The following SIK3 variants were observed in gnomAD, a reference collection of about 807,000 sequenced individuals.
SIK3 encodes the protein SIK family kinase 3.
In SIK3, 28 loss-of-function variants were observed where a neutral mutation model predicts 144.2. The observed-to-expected ratio is 0.19, with a 90% CI of 0.14 to 0.27. The LOEUF is 0.27. SIK3 is among the 10% of genes least tolerant of loss of function. SIK3 has a pLI of 1.00. For missense variants in SIK3, 1,319 were observed against 1,776.0 expected (o/e 0.74, Z 4.62); for synonymous variants, 686 against 676.3 (o/e 1.01, Z -0.22).
chr11:116,858,765 C>T lies in SIK3; in HGVS notation c.2766-66G>A. The stretch of plus-strand genomic sequence containing the variant: ...GTACTAGACTTCCTGGGAACAGCTC[C>T]TCCTCCTCAGTAGGGAGAACCCACT... On this transcript the variant is annotated intron_variant, in intron 20 of 24. Transcript: ENST00000445177. The surrounding 1 kb of genome is among the most constrained non-coding windows in gnomAD (Gnocchi z 5.4). 1 of 1,509,420 alleles carries T rather than the reference C, an allele frequency of 6.6e-7. No homozygotes were observed. The allele number at this position is 1,509,420 out of a possible 1,614,324, so 93.5% of individuals were successfully genotyped here. A position where few individuals can be genotyped will look rare whatever the true frequency, so the allele number is the denominator to read the frequency against.
chr11:116,986,829 T>C (rs182235779), intron 1 of SIK3, among the ~76,000 whole-genome samples: 1 of 152,162 alleles, frequency 6.6e-6, no homozygotes, highest in Non-Finnish European at 1.5e-5. Context: ...TGGATTACTC[T>C]CCTCTTCATG....
rs1942252749 is a variant in SIK3 at position 116,849,388 on chromosome 11, A to G, written c.3656-105T>C. On this transcript the variant is annotated intron_variant, in intron 21 of 24. Transcript: ENST00000445177. The surrounding 1 kb of genome is among the most constrained non-coding windows in gnomAD (Gnocchi z 4.2). ...CAAGGGACAATGGGCAAGGCTGAGG[A>G]GATCATGTACACCAACCGCTGATCC... is the stretch of plus-strand genomic sequence containing the variant. 7.3e-7 allele frequency: 1 copy of G among 1,364,924 alleles called. No individual in the cohort carries two copies. Among genetic ancestry groups the G allele is most frequent in the Admixed American group, 1.9e-5 (1 of 52,488 alleles). The allele number at this position is 1,364,924 out of a possible 1,614,324, so 84.6% of individuals were successfully genotyped here. A position where few individuals can be genotyped will look rare whatever the true frequency, so the allele number is the denominator to read the frequency against.
intron 3 of SIK3, among the ~76,000 whole-genome samples, chr11:116,940,925 T>C (rs193178261): frequency 6.6e-6 from 1 of 152,244 alleles, no homozygotes; most frequent in Admixed American, 6.5e-5. Flanking sequence ...TGATTCAGAG[T>C]GACTAAAGTT....
intron 2 of SIK3, among the ~76,000 whole-genome samples, chr11:116,955,053 A>G (rs1327836299): frequency 1.3e-5 from 2 of 152,178 alleles, no homozygotes; most frequent in African/African-American, 4.8e-5. Context: ...AATTCTTTTT[A>G]AAATTATTTT....
In SIK3 at chr11:116,867,720, G is replaced by A. The variant is rs1943722115; in HGVS notation, c.1952+226C>T. 7.4e-6 allele frequency: 3 copies of A among 406,878 alleles called. No individual in the cohort carries two copies. Among genetic ancestry groups the A allele is most frequent in the Non-Finnish European group, 8.7e-6 (2 of 229,886 alleles). 25.2% of individuals were successfully genotyped at this position (406,878 alleles called of 1,614,324 possible). Reference sequence around the variant, plus strand: ...GGAATCAAATGCAGACAATAAACAGGTCTGCAAGGTAATGGGAGAGAGGAA... The same window carrying A: ...GGAATCAAATGCAGACAATAAACAGATCTGCAAGGTAATGGGAGAGAGGAA... On this transcript the variant is annotated intron_variant, in intron 15 of 24. Transcript: ENST00000445177. The surrounding 1 kb of genome is among the most constrained non-coding windows in gnomAD (Gnocchi z 4.1).
Position 116,867,682 on chromosome 11 carries a change from A to G in SIK3, c.1952+264T>C. 1 of 340,782 alleles carries G rather than the reference A, an allele frequency of 2.9e-6. No homozygotes were observed. Among genetic ancestry groups the G allele is most frequent in the African/African-American group, 2.1e-5 (1 of 47,414 alleles). The allele number at this position is 340,782 out of a possible 1,614,324, so 21.1% of individuals were successfully genotyped here. A position where few individuals can be genotyped will look rare whatever the true frequency, so the allele number is the denominator to read the frequency against. ...AGTTCAATTTTATCTATGAATCAAC[A>G]TCTAGAATCATGGGAATCAAATGCA... On this transcript the variant is annotated intron_variant, in intron 15 of 24. Coordinates refer to ENST00000445177, the MANE Select transcript of SIK3 (RefSeq NM_001366686.3). This position sits in a 1 kb window ranked among gnomAD's most constrained non-coding sequence, Gnocchi z 4.1.
intron 1 of SIK3, among the ~76,000 whole-genome samples, chr11:117,053,663 C>G (rs1280625283): frequency 2.0e-5 from 3 of 151,148 alleles, no homozygotes; most frequent in Non-Finnish European, 4.4e-5. Context: ...CCCACCCTAC[C>G]CCCTCCACTG....
intron 1 of SIK3, among the ~76,000 whole-genome samples, chr11:116,965,757 A>ATG (rs1158120855): frequency 6.5e-5 from 1 of 15,274 alleles, no homozygotes; most frequent in African/African-American, 1.5e-4. Flanking sequence ...ATATATATAT[A>ATG]TATATATATA....
intron 21 of SIK3, among the ~76,000 whole-genome samples, chr11:116,855,109 A>AAAAAAAAC: frequency 1.5e-5 from 2 of 135,726 alleles, no homozygotes; most frequent in African/African-American, 5.1e-5. Context: ...AAAAAAAAAA[A>AAAAAAAAC]CTTGAGTTTT....
At chr11:116,916,432 C>T (rs11216187) in intron 4 of SIK3, among the ~76,000 whole-genome samples, 19,359 of 152,068 alleles carry the variant, frequency 0.13, 1,337 homozygotes, top group African/African-American at 0.16. Context: ...ATTCTGCCAC[C>T]TTGCAAAGGC....
intron 6 of SIK3, among the ~76,000 whole-genome samples, chr11:116,879,246 T>C (rs1165228289): frequency 1.3e-5 from 2 of 152,220 alleles, no homozygotes; most frequent in Non-Finnish European, 2.9e-5. Context: ...ACAACCGTCC[T>C]GAAAACAAAA....
At position 116,872,618 on chromosome 11, in the gene SIK3, AAAAT is replaced by A. The variant is rs1049897626; in HGVS notation, c.1737+859_1737+862del. On this transcript the variant is annotated intron_variant, in intron 13 of 24. Coordinates refer to ENST00000445177, the MANE Select transcript of SIK3 (RefSeq NM_001366686.3). ...TTTCAGAAACTTTTAGCAATTTAAA[AAAAT>A]AAATAAAGAGACACTTTTAGCAATT... 3.3e-5 allele frequency among the ~76,000 whole-genome samples: 5 copies of A among 152,384 alleles called. No individual in the cohort carries two copies. In the South Asian group the frequency reaches 6.2e-4, roughly 19 times the overall value.
At chr11:116,976,733 T>A (rs556369517) in intron 1 of SIK3, among the ~76,000 whole-genome samples, 1 of 152,370 alleles carries the variant, frequency 6.6e-6, no homozygotes, top group South Asian at 2.1e-4. Flanking sequence ...GGTGTTTTAG[T>A]AACTGTTAAT....
intron 1 of SIK3, among the ~76,000 whole-genome samples, chr11:116,985,531 T>C (rs948554844): frequency 2.0e-5 from 3 of 152,228 alleles, no homozygotes; most frequent in Admixed American, 2.0e-4. Context: ...CTAGTCAGTG[T>C]AGAGGTACAG....
chr11:116,931,553 C>G (rs183812880), intron 3 of SIK3, among the ~76,000 whole-genome samples: 2 of 152,176 alleles, frequency 1.3e-5, no homozygotes, highest in East Asian at 1.9e-4. Context: ...CATACCCTGA[C>G]AGCAGGACAA....
chr11:116,935,374 CT>C lies in SIK3; in HGVS notation c.455-7995del, dbSNP rs954264493. ...GAGACTATAAGCTTTTACAAAAACACTTTTTTTACTCTTCATTTTGCTATTA... is the reference window on the plus strand; with the variant it reads ...GAGACTATAAGCTTTTACAAAAACACTTTTTTACTCTTCATTTTGCTATTA... On this transcript the variant is annotated intron_variant, in intron 3 of 24. Coordinates refer to ENST00000445177, the MANE Select transcript of SIK3 (RefSeq NM_001366686.3). 2.8e-4 allele frequency among the ~76,000 whole-genome samples: 43 copies of C among 151,994 alleles called. 1 individual carries two copies. The highest frequency in any genetic ancestry group is 6.3e-4 in the African/African-American group (26 of 41,488).
At chr11:116,847,689 A>C in intron 22 of SIK3, 81 bp from the exon 23 acceptor site, 2 of 1,586,950 alleles carry the variant, frequency 1.3e-6, no homozygotes, top group Non-Finnish European at 1.7e-6. Context: ...GGTCCTTCTG[A>C]AGGAGCCCAG....
chr11:116,852,888 C>A (rs984435356), intron 21 of SIK3, among the ~76,000 whole-genome samples: 1 of 152,154 alleles, frequency 6.6e-6, no homozygotes, highest in African/African-American at 2.4e-5. Flanking sequence ...AGGGGATACC[C>A]CAGGGCTCTG....
intron 1 of SIK3, among the ~76,000 whole-genome samples, chr11:117,008,907 T>C (rs1361409144): frequency 2.0e-5 from 3 of 152,042 alleles, no homozygotes; most frequent in Admixed American, 2.0e-4. Flanking sequence ...CTAATTAAAA[T>C]AGGAAAACAT....
Sources: gnomAD v4.1 joint callset for allele counts (sites outside exome capture counted in the v4.1 genomes callset) on GRCh38, gnomAD v4.1.1 for gene constraint, Gnocchi (gnomAD v3.1) non-coding constraint, MANE v1.5 for transcripts, NCBI Gene and HGNC (gene_info 2026-07-23, HGNC 2026-07-21) for gene names.